Variants in LSM5 observed in about 807,000 individuals in gnomAD.
LSM5 encodes U6 snRNA-associated Sm-like protein LSm5.
LSM5 carries 8 observed loss-of-function variants against 13.8 expected under a neutral mutation model. The observed-to-expected ratio is 0.58, with a 90% CI of 0.34 to 1.04. LSM5 has a LOEUF of 1.04. Ranked by LOEUF, LSM5 falls within the 50% of genes least tolerant of loss-of-function variation. The probability of loss-of-function intolerance (pLI) is 0.03; values close to 1 mark genes in which losing one functional copy is unlikely to be tolerated. For missense variants in LSM5, 80 were observed against 108.1 expected (o/e 0.74, Z 1.15); for synonymous variants, 35 against 37.0 (o/e 0.95, Z 0.20).
rs1237119239 is a variant in LSM5 at position 32,486,368 on chromosome 7, T to A, written c.*893A>T. ...CAGGATGAGCAAGTAAAATAAAACG[T>A]GTACTGAGAGTGGACTGAGAAAGTC... On this transcript the variant is annotated 3_prime_UTR_variant, in exon 5 of 5. Coordinates refer to ENST00000450169, the MANE Select transcript of LSM5 (RefSeq NM_012322.3). 6.6e-6 allele frequency: 1 copy of A among 152,194 alleles called. No homozygotes were observed. Among genetic ancestry groups the A allele is most frequent in the East Asian group, 1.9e-4 (1 of 5,202 alleles). 9.4% of individuals were successfully genotyped at this position (152,194 alleles called of 1,614,324 possible). A position where few individuals can be genotyped will look rare whatever the true frequency, so the allele number is the denominator to read the frequency against.
Position 32,490,095 on chromosome 7 carries a change from C to T in LSM5, c.46+225G>A, listed in dbSNP as rs1786542249. ...GCGTTCACTAAATGTGGACCTTTTC[C>T]AGTGAAGGTCTGGTTTGAGAAGTCA... On this transcript the variant is annotated intron_variant, in intron 1 of 4. Transcript: ENST00000450169. 7.9e-6 allele frequency: 12 copies of T among 1,512,636 alleles called. No homozygotes were observed. The South Asian group carries it at 1.3e-4, about 17-fold the overall frequency. The allele number at this position is 1,512,636 out of a possible 1,614,324, so 93.7% of individuals were successfully genotyped here.
At chr7:32,490,563 T>C, upstream of LSM5, 1 of 602,948 alleles carries the variant, frequency 1.7e-6, no homozygotes, top group Non-Finnish European at 3.1e-6. Flanking sequence ...ACTGGACATT[T>C]TACCATCTCG....
chr7:32,492,280 C>T (rs1425369754), upstream of LSM5, among the ~76,000 whole-genome samples: 1 of 152,180 alleles, frequency 6.6e-6, no homozygotes, highest in East Asian at 1.9e-4. Context: ...AATCCCAACA[C>T]TTTGGGGGCC....
At chr7:32,493,057 A>C (rs1372361341), upstream of LSM5, among the ~76,000 whole-genome samples, 4 of 152,228 alleles carry the variant, frequency 2.6e-5, no homozygotes, top group Non-Finnish European at 4.4e-5. Context: ...AGCCCCAGCT[A>C]CTTAGGAGGC....
rs2128105747 is a variant in LSM5, at chr7:32,487,031, A to T, written c.*230T>A. ...CTACTGCAGTAGAATAAACAAAATG[A>T]CAGTTAACCAAAAACACCTTTATTT... is the stretch of plus-strand genomic sequence containing the variant. On this transcript the variant is annotated 3_prime_UTR_variant, in exon 5 of 5. Transcript: ENST00000450169. 1 of 562,508 alleles carries T rather than the reference A, an allele frequency of 1.8e-6. No individual in the cohort carries two copies. Among genetic ancestry groups the T allele is most frequent in the South Asian group, 2.3e-5 (1 of 43,834 alleles). The allele number at this position is 562,508 out of a possible 1,614,324, so 34.8% of individuals were successfully genotyped here. A position where few individuals can be genotyped will look rare whatever the true frequency, so the allele number is the denominator to read the frequency against.
intron 1 of LSM5, 127 bp downstream of exon 1, chr7:32,490,193 A>G (rs779633533): frequency 2.5e-6 from 4 of 1,574,708 alleles, no homozygotes; most frequent in Non-Finnish European, 2.6e-6. Context: ...CTTGGAGCTC[A>G]GAGTCGAACC....
At chr7:32,493,538 CTCCCTTT>C (rs1583466119), upstream of LSM5, among the ~76,000 whole-genome samples, 1 of 105,464 alleles carries the variant, frequency 9.5e-6, no homozygotes, top group East Asian at 3.6e-4. Context: ...TTCTCTCTCT[CTCCCTTT>C]CTTTATTTTT....
At position 32,488,612 on chromosome 7, in the gene LSM5, T is replaced by C. The variant is rs1186740597; in HGVS notation, c.170+13A>G. 1.3e-6 allele frequency: 2 copies of C among 1,581,736 alleles called. No homozygotes were observed. The highest frequency in any genetic ancestry group is 1.7e-6 in the Non-Finnish European group (2 of 1,151,758). On this transcript the variant is annotated intron_variant, in intron 3 of 4. Coordinates refer to ENST00000450169, the MANE Select transcript of LSM5 (RefSeq NM_012322.3). Reference sequence around the variant, plus strand: ...TAAGAAGAGATTCCCCCCAATTCTTTAACACTACTCACAACTCAGTGACAT... The same window carrying C: ...TAAGAAGAGATTCCCCCCAATTCTTCAACACTACTCACAACTCAGTGACAT...
In LSM5 at chr7:32,486,355, GTAAAA is replaced by G. The variant is rs1486683506; in HGVS notation, c.*901_*905del. On this transcript the variant is annotated 3_prime_UTR_variant, in exon 5 of 5. Transcript: ENST00000450169. Reference sequence around the variant, plus strand: ...AAAACAGTATAATCAGGATGAGCAAGTAAAATAAAACGTGTACTGAGAGTGGACTG... The same window carrying G: ...AAAACAGTATAATCAGGATGAGCAAGTAAAACGTGTACTGAGAGTGGACTG... The G allele has an allele frequency of 3.9e-5, 6 of 152,202 alleles. No homozygotes were observed. Among genetic ancestry groups the G allele is most frequent in the African/African-American group, 1.4e-4 (6 of 41,456 alleles). 9.4% of individuals were successfully genotyped at this position (152,202 alleles called of 1,614,324 possible).
rs1173293388 is a variant in LSM5 at position 32,489,287 on chromosome 7, T to G, written c.104A>C (p.Glu35Ala). 1 of 1,609,396 alleles carries G rather than the reference T, an allele frequency of 6.2e-7. No homozygotes were observed. The change falls in exon 2 of 5, where the codon GAA becomes GCA. Residue 35 changes from glutamate (E) to alanine (A), a missense_variant. Transcript: ENST00000450169. Reference sequence around the variant, plus strand: ...AAATCCTAGAAGAGTACCAACAATTTCCTTATCACTCTTCATCACGATGTG... The same window carrying G: ...AAATCCTAGAAGAGTACCAACAATTGCCTTATCACTCTTCATCACGATGTG... Reference protein sequence around the residue: ...RIHIVMKSDKEIVGTLLGFDD... With the variant: ...RIHIVMKSDKAIVGTLLGFDD...
chr7:32,489,371 C>T (rs1786520438), intron 1 of LSM5, 27 bp from the exon 2 acceptor site: 1 of 1,298,530 alleles, frequency 7.7e-7, no homozygotes, highest in East Asian at 2.3e-5. Flanking sequence ...TATTATTTTA[C>T]CATTCATTAT....
upstream of LSM5, among the ~76,000 whole-genome samples, chr7:32,494,102 T>A (rs531788200): frequency 5.3e-5 from 8 of 152,214 alleles, no homozygotes; most frequent in Non-Finnish European, 1.0e-4. Context: ...CCCAAAGTGC[T>A]GGGATTACAG....
intron 2 of LSM5, 137 bp downstream of exon 2, chr7:32,489,111 AC>A: frequency 1.7e-6 from 1 of 586,718 alleles, no homozygotes; most frequent in South Asian, 2.3e-5. Flanking sequence ...TTCAATACAT[AC>A]CTCTTAAAAC....
chr7:32,489,713 T>C, intron 1 of LSM5: 1 of 292,860 alleles, frequency 3.4e-6, no homozygotes, highest in Non-Finnish European at 6.6e-6. Context: ...AGCTTGAACA[T>C]CTCTTTAGCT....
At chr7:32,490,539 A>C, upstream of LSM5, 1 of 621,476 alleles carries the variant, frequency 1.6e-6, no homozygotes, top group Non-Finnish European at 3.0e-6. Flanking sequence ...GATCCGGTGA[A>C]ATATTTCCTG....
rs1583461775 is a variant in LSM5, at chr7:32,487,139, C to T, written c.*122G>A. On this transcript the variant is annotated 3_prime_UTR_variant, in exon 5 of 5. Coordinates refer to ENST00000450169, the MANE Select transcript of LSM5 (RefSeq NM_012322.3). ...CAAAAATGGGTACACATCTTCAAAGCACTTCCCTTTAACGGGAAACTTAGC... is the reference window on the plus strand; with the variant it reads ...CAAAAATGGGTACACATCTTCAAAGTACTTCCCTTTAACGGGAAACTTAGC... The T allele has an allele frequency of 1.2e-6, 1 of 803,408 alleles. No homozygotes were observed. The highest frequency in any genetic ancestry group is 2.1e-6 in the Non-Finnish European group (1 of 477,552). The allele number at this position is 803,408 out of a possible 1,614,324, so 49.8% of individuals were successfully genotyped here. A position where few individuals can be genotyped will look rare whatever the true frequency, so the allele number is the denominator to read the frequency against.
At chr7:32,492,196 T>G (rs1266254287), upstream of LSM5, among the ~76,000 whole-genome samples, 1 of 151,964 alleles carries the variant, frequency 6.6e-6, no homozygotes, top group Admixed American at 6.5e-5. Context: ...ATGGGAGAAT[T>G]CAAAACATTG....
intron 1 of LSM5, 109 bp downstream of exon 1, chr7:32,490,211 G>T (rs771110845): frequency 6.3e-7 from 1 of 1,599,964 alleles, no homozygotes; most frequent in South Asian, 1.1e-5. Context: ...ACCGCATTTG[G>T]TCTTATACAT....
chr7:32,490,170 G>T (rs1211521568), intron 1 of LSM5, 150 bp downstream of exon 1: 1 of 1,552,464 alleles, frequency 6.4e-7, no homozygotes, highest in African/African-American at 1.4e-5. Flanking sequence ...GGTGCGGCCT[G>T]CTGTCGCGAA....
Sources: allele counts gnomAD v4.1 joint callset (sites outside exome capture counted in the v4.1 genomes callset), GRCh38; gene constraint gnomAD v4.1.1; transcripts MANE v1.5; gene names NCBI Gene and HGNC (gene_info 2026-07-23, HGNC 2026-07-21).